Variants in CENPP observed in about 807,000 individuals in gnomAD.
CENPP encodes centromere protein P.
In CENPP, 24 loss-of-function variants were observed where a neutral mutation model predicts 35.6. The observed-to-expected ratio is 0.67, with a 90% confidence interval of 0.49 to 0.95. CENPP has a LOEUF of 0.95. CENPP is among the 40% of genes least tolerant of loss of function. The pLI is 0.00. For synonymous variants in CENPP, 120 were observed against 125.5 expected (o/e 0.96, Z 0.29); for missense variants, 332 against 345.3 (o/e 0.96, Z 0.31).
intron 5 of CENPP, chr9:92,501,167 T>C: frequency 9.6e-7 from 1 of 1,038,124 alleles, no homozygotes; most frequent in Non-Finnish European, 1.4e-6. Context: ...GCACCCAGTT[T>C]GTAGTGATGA....
intron 5 of CENPP, among the ~76,000 whole-genome samples, chr9:92,579,731 A>G (rs1007279936): frequency 7.2e-6 from 1 of 138,698 alleles, no homozygotes; most frequent in African/African-American, 3.0e-5. Context: ...TAGATATACA[A>G]TCATGTCATC....
chr9:92,488,586 T>C (rs1444603086), intron 5 of CENPP, among the ~76,000 whole-genome samples: 1 of 152,228 alleles, frequency 6.6e-6, no homozygotes, highest in East Asian at 1.9e-4. Context: ...AGAATAGATT[T>C]ACAGTTTATA....
chr9:92,433,948 A>AT, intron 5 of CENPP, among the ~76,000 whole-genome samples: 1 of 152,044 alleles, frequency 6.6e-6, no homozygotes. Flanking sequence ...AAAAGTATAC[A>AT]TTTTTTTAAA....
chr9:92,437,257 T>C (rs993724199), intron 5 of CENPP, among the ~76,000 whole-genome samples: 1 of 152,162 alleles, frequency 6.6e-6, no homozygotes, highest in African/African-American at 2.4e-5. Context: ...ATTAAAACTG[T>C]ATATCAATTT....
At chr9:92,546,447 C>T (rs919443136) in intron 5 of CENPP, among the ~76,000 whole-genome samples, 9 of 152,220 alleles carry the variant, frequency 5.9e-5, no homozygotes, top group East Asian at 1.9e-4. Context: ...GGGGGAAGAT[C>T]TGCAGCTTCG....
At chr9:92,544,760 G>A (rs1233074822) in intron 5 of CENPP, among the ~76,000 whole-genome samples, 1 of 143,294 alleles carries the variant, frequency 7.0e-6, no homozygotes, top group Non-Finnish European at 1.5e-5. Flanking sequence ...TTGTTGCTCA[G>A]GCTGATGTGC....
chr9:92,535,477 T>C (rs1849111883), intron 5 of CENPP, among the ~76,000 whole-genome samples: 1 of 152,180 alleles, frequency 6.6e-6, no homozygotes, highest in South Asian at 2.1e-4. Flanking sequence ...TAAACCTTGA[T>C]TAACTTATTT....
Position 92,377,311 on chromosome 9 carries a change from G to C in CENPP, c.468-2452G>C, listed in dbSNP as rs74778590. Among the ~76,000 whole-genome samples, 32 of 152,248 alleles carry C rather than the reference G, an allele frequency of 2.1e-4. 1 individual carries two copies. The East Asian group carries it at 5.6e-3, about 27-fold the overall frequency. On this transcript the variant is annotated intron_variant, in intron 4 of 7. Transcript: ENST00000375587. ...CCTGTATCAATTGCAAGAAAGTTCT[G>C]ACTTAGCTGAAATGCAGTCAGACCC...
intron 5 of CENPP, among the ~76,000 whole-genome samples, chr9:92,564,395 A>T (rs986060868): frequency 5.9e-5 from 9 of 152,184 alleles, no homozygotes; most frequent in Admixed American, 2.6e-4. Context: ...TCTCAAAAAA[A>T]AAAAATAAAA....
chr9:92,334,877 C>CA (rs950769210), intron 2 of CENPP, among the ~76,000 whole-genome samples: 18 of 147,206 alleles, frequency 1.2e-4, no homozygotes, highest in Admixed American at 3.4e-4. Context: ...GACCCTGTCT[C>CA]AAAAAAAACC....
chr9:92,532,031 TTTA>T lies in CENPP; in HGVS notation c.565-79280_565-79278del, dbSNP rs1379117398. Among the ~76,000 whole-genome samples the T allele has an allele frequency of 6.3e-4, 83 of 130,940 alleles. 18 individuals carry two copies. Among genetic ancestry groups the T allele is most frequent in the African/African-American group, 7.3e-4 (22 of 30,098 alleles). 85.9% of individuals were successfully genotyped at this position (130,940 alleles called of 152,430 possible). ...TTATTTAATGTTTTTTTTTTTTTAT[TTTA>T]TTTTTTTTTTGAGATGAGGTCTCAC... On this transcript the variant is annotated intron_variant, in intron 5 of 7. Transcript: ENST00000375587.
At chr9:92,375,967 G>GA (rs953283829) in intron 4 of CENPP, among the ~76,000 whole-genome samples, 1 of 151,602 alleles carries the variant, frequency 6.6e-6, no homozygotes, top group South Asian at 2.1e-4. Flanking sequence ...GGGCAAAAAG[G>GA]AAAAAAATAA....
At chr9:92,412,267 T>G (rs1843466259) in intron 5 of CENPP, among the ~76,000 whole-genome samples, 1 of 151,962 alleles carries the variant, frequency 6.6e-6, no homozygotes. Context: ...TTAATTTTTT[T>G]GTAGAGACAG....
intron 1 of CENPP, among the ~76,000 whole-genome samples, chr9:92,330,765 T>G (rs1049690472): frequency 6.0e-5 from 9 of 149,784 alleles, no homozygotes; most frequent in Non-Finnish European, 1.2e-4. Context: ...CTTGGCTCAC[T>G]GCAACCTCTG....
intron 4 of CENPP, among the ~76,000 whole-genome samples, chr9:92,370,334 T>C (rs1350381372): frequency 1.3e-5 from 2 of 152,170 alleles, no homozygotes; most frequent in African/African-American, 2.4e-5. Context: ...TGGCCTCTTG[T>C]AGTGAGTTAG....
chr9:92,537,834 C>T (rs1849224818), intron 5 of CENPP, among the ~76,000 whole-genome samples: 1 of 152,136 alleles, frequency 6.6e-6, no homozygotes, highest in Non-Finnish European at 1.5e-5. Context: ...TTTTCACTAC[C>T]ATAGTGAGAT....
chr9:92,438,496 G>A (rs1844301104), intron 5 of CENPP, among the ~76,000 whole-genome samples: 1 of 152,296 alleles, frequency 6.6e-6, no homozygotes, highest in East Asian at 1.9e-4. Context: ...TCTGCCATTG[G>A]AGAGTATACA....
intron 4 of CENPP, among the ~76,000 whole-genome samples, chr9:92,347,734 G>A (rs955554069): frequency 6.6e-6 from 1 of 152,012 alleles, no homozygotes; most frequent in African/African-American, 2.4e-5. Context: ...ACTTTAAATA[G>A]TAAGCATTTC....
At chr9:92,562,788 C>T (rs1849879442) in intron 5 of CENPP, among the ~76,000 whole-genome samples, 2 of 152,220 alleles carry the variant, frequency 1.3e-5, no homozygotes, top group South Asian at 4.2e-4. Context: ...ACCAGAGTGA[C>T]CACAATATTT....
Sources: gnomAD v4.1 joint callset for allele counts (sites outside exome capture counted in the v4.1 genomes callset) on GRCh38, gnomAD v4.1.1 for gene constraint, MANE v1.5 for transcripts, NCBI Gene and HGNC (gene_info 2026-07-23, HGNC 2026-07-21) for gene names.